SENP7: variants seen among roughly 807,000 people sequenced by gnomAD.
The protein encoded by SENP7 is sentrin-specific protease 7.
In SENP7, 64 loss-of-function variants were observed where a neutral mutation model predicts 141.2. The ratio of observed to expected loss-of-function variants is 0.45; its 90% CI spans 0.37 to 0.56. SENP7 has a LOEUF of 0.56. Among genes scored for constraint, SENP7 ranks in the 20% least tolerant of loss-of-function variants. The pLI is 0.00. For missense variants in SENP7, 1,025 were observed against 1,212.2 expected (o/e 0.85, Z 2.29); for synonymous variants, 382 against 426.4 (o/e 0.90, Z 1.28).
chr3:101,442,338 T>C (rs1203718320), intron 4 of SENP7, among the ~76,000 whole-genome samples: 1 of 152,160 alleles, frequency 6.6e-6, no homozygotes, highest in African/African-American at 2.4e-5. Flanking sequence ...TGGACTGTTT[T>C]AGGACGAAAC....
chr3:101,357,652 AT>A, intron 11 of SENP7: 2 of 765,066 alleles, frequency 2.6e-6, no homozygotes, highest in Non-Finnish European at 4.7e-6. Flanking sequence ...GACTTAACCA[AT>A]GTTTGACAAC....
At chr3:101,418,858 T>C (rs2061700793) in intron 4 of SENP7, among the ~76,000 whole-genome samples, 1 of 152,138 alleles carries the variant, frequency 6.6e-6, no homozygotes, top group African/African-American at 2.4e-5. Flanking sequence ...AAAAAATAAA[T>C]GACATCTCTA....
chr3:101,420,611 T>C (rs139680509), intron 4 of SENP7, among the ~76,000 whole-genome samples: 1 of 152,188 alleles, frequency 6.6e-6, no homozygotes, highest in Non-Finnish European at 1.5e-5. Context: ...AATGAACAGA[T>C]CTGGCAGGCA....
chr3:101,330,230 T>G (rs1210455963), intron 20 of SENP7, 104 bp downstream of exon 20: 11 of 747,002 alleles, frequency 1.5e-5, no homozygotes, highest in Non-Finnish European at 1.8e-5. Flanking sequence ...CAGCACAATC[T>G]AATGATGGGC....
chr3:101,510,168 C>T (rs148359422), intron 1 of SENP7, among the ~76,000 whole-genome samples: 374 of 152,330 alleles, frequency 2.5e-3, no homozygotes, highest in African/African-American at 8.8e-3. Context: ...TGGTCATTCT[C>T]CCTTGCTCCC....
At chr3:101,457,105 A>T (rs1182879891) in intron 4 of SENP7, 1 of 642,042 alleles carries the variant, frequency 1.6e-6, no homozygotes, top group Admixed American at 2.5e-5. Flanking sequence ...GCAGTGTCCA[A>T]AGGGCTTGGG....
chr3:101,492,237 T>C (rs1324690287), intron 3 of SENP7, among the ~76,000 whole-genome samples: 3 of 151,890 alleles, frequency 2.0e-5, no homozygotes, highest in Non-Finnish European at 4.4e-5. Flanking sequence ...TAGCTAAGCA[T>C]GGTGGTGCAT....
At chr3:101,443,330 C>A (rs961064484) in intron 4 of SENP7, among the ~76,000 whole-genome samples, 1 of 152,006 alleles carries the variant, frequency 6.6e-6, no homozygotes, top group African/African-American at 2.4e-5. Flanking sequence ...GGTACCAGTA[C>A]CATGCTGTTT....
chr3:101,465,172 C>G (rs1376191965), intron 3 of SENP7, among the ~76,000 whole-genome samples: 1 of 152,090 alleles, frequency 6.6e-6, no homozygotes, highest in Non-Finnish European at 1.5e-5. Context: ...GGGAGACCCA[C>G]TCTGCCCACC....
At chr3:101,416,494 C>T (rs1362978500) in intron 5 of SENP7, among the ~76,000 whole-genome samples, 1 of 152,096 alleles carries the variant, frequency 6.6e-6, no homozygotes, top group Non-Finnish European at 1.5e-5. Context: ...TCTGTCAGTG[C>T]AGTAAGAGAT....
rs1453950628 is a variant in SENP7, at chr3:101,348,123, C to CACTTGTTAAT, written c.1658-82_1658-73dup. 3 of 968,232 alleles carry CACTTGTTAAT rather than the reference C, an allele frequency of 3.1e-6. No individual in the cohort carries two copies. In the East Asian group the frequency reaches 7.9e-5, roughly 25 times the overall value. 60.0% of individuals were successfully genotyped at this position (968,232 alleles called of 1,614,324 possible). ...AATACACCACTTAAACATTATATGA[C>CACTTGTTAAT]ACTTGTTAATACACTACTTTTTTTA... is the stretch of plus-strand genomic sequence containing the variant. On this transcript the variant is annotated intron_variant, in intron 12 of 23. Transcript: ENST00000394095.
At chr3:101,374,053 C>CTT (rs1435393214) in intron 6 of SENP7, among the ~76,000 whole-genome samples, 1 of 152,034 alleles carries the variant, frequency 6.6e-6, no homozygotes, top group Non-Finnish European at 1.5e-5. Flanking sequence ...AGCAAATATA[C>CTT]TTTAAAATTA....
chr3:101,416,312 A>G (rs535475189), intron 5 of SENP7, among the ~76,000 whole-genome samples: 2 of 152,338 alleles, frequency 1.3e-5, no homozygotes, highest in Non-Finnish European at 2.9e-5. Context: ...TCCTAGTGGT[A>G]AAACTATTAT....
intron 4 of SENP7, among the ~76,000 whole-genome samples, chr3:101,450,940 A>G (rs975522076): frequency 3.9e-5 from 6 of 152,186 alleles, no homozygotes; most frequent in African/African-American, 1.4e-4. Context: ...GGTTTTTTGA[A>G]AAGATCAACA....
chr3:101,386,801 C>T (rs2060665715), intron 6 of SENP7, among the ~76,000 whole-genome samples: 2 of 152,246 alleles, frequency 1.3e-5, no homozygotes. Context: ...CCTCCAGGGG[C>T]AGAGCTGCTA....
chr3:101,410,910 A>G (rs1402752801), intron 5 of SENP7, among the ~76,000 whole-genome samples: 1 of 108,526 alleles, frequency 9.2e-6, no homozygotes, highest in South Asian at 3.0e-4. Context: ...TGGTATCTGT[A>G]GCAAAGTCCA....
rs140723655 is a variant in SENP7, at chr3:101,423,217, GT to G, written c.285-5428del. 9.5e-3 allele frequency among the ~76,000 whole-genome samples: 1,440 copies of G among 152,120 alleles called. 25 individuals are homozygous for G. Among genetic ancestry groups the G allele is most frequent in the African/African-American group, 0.033 (1,386 of 41,494 alleles). On this transcript the variant is annotated intron_variant, in intron 4 of 23. Coordinates refer to ENST00000394095, the MANE Select transcript of SENP7 (RefSeq NM_020654.5). ...CTTATTTTTCTGGTCTTTAAAAAAA[GT>G]TTTAAAAAAGAGGAAGGAACAAAAG...
At chr3:101,462,686 G>A (rs1488373181) in intron 3 of SENP7, among the ~76,000 whole-genome samples, 2 of 151,648 alleles carry the variant, frequency 1.3e-5, no homozygotes, top group South Asian at 2.1e-4. Flanking sequence ...TGGGCAACAC[G>A]ATGAAACCCT....
At chr3:101,337,170 G>A (rs1269061816) in intron 17 of SENP7, 1 of 161,978 alleles carries the variant, frequency 6.2e-6, no homozygotes, top group East Asian at 1.8e-4. Context: ...TGTGAGAGGT[G>A]GACTCACAGA....
Sources: allele counts gnomAD v4.1 joint callset (sites outside exome capture counted in the v4.1 genomes callset), GRCh38; gene constraint gnomAD v4.1.1; transcripts MANE v1.5; gene names NCBI Gene and HGNC (gene_info 2026-07-23, HGNC 2026-07-21).